Variants in TRMT44 observed in about 807,000 individuals in gnomAD.
TRMT44 encodes tRNA methyltransferase 44 homolog.
Under a neutral mutation model 77.3 loss-of-function variants are expected in TRMT44, and 78 were observed. The observed-to-expected ratio is 1.01, with a 90% CI of 0.84 to 1.22. The LOEUF (loss-of-function observed/expected upper bound fraction) is 1.22. Ranked by LOEUF, TRMT44 falls within the 50% of genes most tolerant of loss-of-function variation. The probability of loss-of-function intolerance (pLI) is 0.00; values close to 1 mark genes in which losing one functional copy is unlikely to be tolerated. For synonymous variants in TRMT44, 391 were observed against 383.3 expected, an observed-to-expected ratio of 1.02 and a Z score of -0.23; for missense variants, 1,090 against 964.4, an observed-to-expected ratio of 1.13 and a Z score of -1.73.
At chr4:8,497,135 C>G (rs747363034), downstream of TRMT44, among the ~76,000 whole-genome samples, 1 of 149,922 alleles carries the variant, frequency 6.7e-6, no homozygotes, top group African/African-American at 2.5e-5. Flanking sequence ...TTAGACAACT[C>G]TTCCTTCTCC....
downstream of TRMT44, chr4:8,478,974 G>A (rs1310655837): frequency 6.6e-6 from 1 of 152,244 alleles, no homozygotes; most frequent in Non-Finnish European, 1.5e-5. Flanking sequence ...CAGACACCAG[G>A]TCACGTAGGC....
chr4:8,485,572 G>T (rs538456788), intron 2 of TRMT44, among the ~76,000 whole-genome samples: 2,598 of 152,204 alleles, frequency 0.017, 92 homozygotes, highest in African/African-American at 0.059. Flanking sequence ...ATGGTAATGG[G>T]CATGTGATCG....
At chr4:8,447,540 G>A (rs1459400622) in intron 2 of TRMT44, among the ~76,000 whole-genome samples, 1 of 152,140 alleles carries the variant, frequency 6.6e-6, no homozygotes, top group Non-Finnish European at 1.5e-5. Context: ...CCCACTAGCA[G>A]TGTGGTCTTG....
At chr4:8,457,801 A>G (rs1220540672) in intron 6 of TRMT44, among the ~76,000 whole-genome samples, 1 of 152,202 alleles carries the variant, frequency 6.6e-6, no homozygotes, top group South Asian at 2.1e-4. Flanking sequence ...GGATATGGCA[A>G]AGGTGGGCGA....
downstream of TRMT44, among the ~76,000 whole-genome samples, chr4:8,497,654 C>T (rs977070828): frequency 2.0e-5 from 3 of 151,968 alleles, no homozygotes; most frequent in African/African-American, 7.3e-5. Flanking sequence ...CAAAAACAAA[C>T]AAACAAACAA....
rs112408438 is a variant in TRMT44, at chr4:8,447,879, G to A, written c.734+1289G>A. ...GCGATGCTGAACTGTGTGCCCATTAGCCAGAAAGTGGTGCCTGTCTTGGGG... is the reference window on the plus strand; with the variant it reads ...GCGATGCTGAACTGTGTGCCCATTAACCAGAAAGTGGTGCCTGTCTTGGGG... On this transcript the variant is annotated intron_variant, in intron 2 of 10. Coordinates refer to ENST00000389737, the MANE Select transcript of TRMT44 (RefSeq NM_152544.3). Among the ~76,000 whole-genome samples, 516 of 152,328 alleles carry A rather than the reference G, an allele frequency of 3.4e-3. 1 individual carries two copies. The highest frequency in any genetic ancestry group is 6.4e-3 in the Non-Finnish European group (433 of 68,034).
chr4:8,516,491 C>T, the TRMT44 span, among the ~76,000 whole-genome samples: 3 of 152,202 alleles, frequency 2.0e-5, no homozygotes, highest in Non-Finnish European at 4.4e-5. Context: ...AACCTCACCC[C>T]AGCCCAGGCT....
rs557886814 is a variant in TRMT44, at chr4:8,471,067, A to C, written c.1928-17A>C. On this transcript the variant is annotated splice_polypyrimidine_tract_variant and intron_variant, in intron 9 of 10. Coordinates refer to ENST00000389737, the MANE Select transcript of TRMT44 (RefSeq NM_152544.3). ...TTGCTGTTGTTTTGGGGAAAAAAAA[A>C]ACCCGTTTTTCCACAGAGAGCCTAT... 1.5e-5 allele frequency: 23 copies of C among 1,563,824 alleles called. No individual in the cohort carries two copies. Among genetic ancestry groups the C allele is most frequent in the Non-Finnish European group, 2.0e-5 (23 of 1,156,524 alleles).
chr4:8,497,298 T>C (rs1255551372), downstream of TRMT44, among the ~76,000 whole-genome samples: 1 of 152,260 alleles, frequency 6.6e-6, no homozygotes, highest in Non-Finnish European at 1.5e-5. Context: ...GTCCACAAGC[T>C]ATGCACTATA....
chr4:8,456,984 C>T (rs1254450248), intron 6 of TRMT44, among the ~76,000 whole-genome samples: 2 of 150,324 alleles, frequency 1.3e-5, no homozygotes, highest in South Asian at 4.2e-4. Flanking sequence ...GCCAGGAGTT[C>T]AAGACCAGTC....
the TRMT44 span, among the ~76,000 whole-genome samples, chr4:8,499,373 C>T: frequency 6.6e-6 from 1 of 152,196 alleles, no homozygotes; most frequent in Non-Finnish European, 1.5e-5. Context: ...CAAACCGCAG[C>T]CTGCCTGGCC....
At chr4:8,442,031 G>A (rs1473604795) in intron 1 of TRMT44, among the ~76,000 whole-genome samples, 1 of 152,204 alleles carries the variant, frequency 6.6e-6, no homozygotes, top group African/African-American at 2.4e-5. Flanking sequence ...TTAACTTGTC[G>A]GAGAATAACC....
chr4:8,441,404 C>A lies in TRMT44; in HGVS notation c.582C>A (p.Cys194Ter). The A allele has an allele frequency of 6.5e-7, 1 of 1,526,828 alleles. No homozygotes were observed. The highest frequency in any genetic ancestry group is 1.4e-5 in the African/African-American group (1 of 73,044). 94.6% of individuals were successfully genotyped at this position (1,526,828 alleles called of 1,614,324 possible). Residue 194 changes from cysteine to a stop codon, truncating the protein, a stop_gained, in exon 1 of 11, where the codon TGC (cysteine) becomes TGA (stop). Transcript: ENST00000389737. LOFTEE classifies it high-confidence loss of function. ...RTVIPKTSPHCPLTTPRREIV... is the reference protein window; with the variant it reads ...RTVIPKTSPH ...TCATCCCGAAAACTAGCCCACATTG[C>A]CCCCTTACAACTCCCAGGAGGGAAA... is the stretch of plus-strand genomic sequence containing the variant.
intron 7 of TRMT44, among the ~76,000 whole-genome samples, chr4:8,465,099 A>T (rs1342380405): frequency 6.7e-6 from 1 of 149,030 alleles, no homozygotes; most frequent in African/African-American, 2.5e-5. Flanking sequence ...AGTTTGAAAA[A>T]CCCCCTGGTA....
At chr4:8,506,071 C>T in the TRMT44 span, among the ~76,000 whole-genome samples, 1 of 152,248 alleles carries the variant, frequency 6.6e-6, no homozygotes, top group South Asian at 2.1e-4. Context: ...CAGCAAATCA[C>T]AGCACCATAG....
chr4:8,446,052 G>A lies in TRMT44; in HGVS notation c.620-424G>A, dbSNP rs548747089. On this transcript the variant is annotated intron_variant, in intron 1 of 10. Coordinates refer to ENST00000389737, the MANE Select transcript of TRMT44 (RefSeq NM_152544.3). The surrounding 1 kb of genome is among the most constrained non-coding windows in gnomAD (Gnocchi z 4.3). ...ATAAAGCGGTTGTTAGGAAGGCCTG[G>A]ACTGATATCCGCTTTCCTGAACTGG... Among the ~76,000 whole-genome samples, 1 of 152,210 alleles carries A rather than the reference G, an allele frequency of 6.6e-6. No individual in the cohort carries two copies. Among genetic ancestry groups the A allele is most frequent in the African/African-American group, 2.4e-5 (1 of 41,444 alleles).
At chr4:8,469,975 G>T (rs62287390) in intron 9 of TRMT44, among the ~76,000 whole-genome samples, 4,154 of 152,340 alleles carry the variant, frequency 0.027, 70 homozygotes, top group South Asian at 0.04. Context: ...CCCTCAAGAG[G>T]CTCCAAGTCC....
Position 8,475,958 on chromosome 4 carries a change from A to G in TRMT44, c.2231A>G (p.Glu744Gly). 6.2e-7 allele frequency: 1 copy of G among 1,614,010 alleles called. No individual in the cohort carries two copies. Among genetic ancestry groups the G allele is most frequent in the Non-Finnish European group, 8.5e-7 (1 of 1,180,026 alleles). The change falls in exon 11 of 11, where the codon GAG becomes GGG. Residue 744 changes from glutamate to glycine, a missense_variant. Transcript: ENST00000389737. The part of the protein sequence containing the change: ...DCCPFAHGPA[E>G]LRPPRTTPRK... ...TGCCCGTTTGCCCATGGGCCTGCGG[A>G]GCTGCGGCCACCCCGGACCACCCCG...
chr4:8,498,126 C>T (rs1314774103), downstream of TRMT44, among the ~76,000 whole-genome samples: 1 of 152,084 alleles, frequency 6.6e-6, no homozygotes, highest in Non-Finnish European at 1.5e-5. This position sits in a 1 kb window ranked among gnomAD's most constrained non-coding sequence, Gnocchi z 4.3. Context: ...TTTGTGGGTT[C>T]CCCTTCTCCG....
Sources: allele counts gnomAD v4.1 joint callset (sites outside exome capture counted in the v4.1 genomes callset), GRCh38; gene constraint gnomAD v4.1.1; non-coding constraint Gnocchi (gnomAD v3.1); transcripts MANE v1.5; gene names NCBI Gene and HGNC (gene_info 2026-07-23, HGNC 2026-07-21).